Variants in RMND1 observed in about 807,000 individuals in gnomAD.
RMND1 encodes the protein required for meiotic nuclear division protein 1 homolog.
RMND1 carries 41 observed loss-of-function variants against 54.0 expected under a neutral mutation model. That is an observed-to-expected ratio of 0.76 (90% CI 0.59 to 0.98). RMND1 has a LOEUF of 0.98. Ranked by LOEUF, RMND1 falls within the 50% of genes least tolerant of loss-of-function variation. The pLI, the probability that RMND1 is intolerant of heterozygous loss-of-function variation, is 0.00. For synonymous variants in RMND1, 183 were observed against 181.7 expected, an observed-to-expected ratio of 1.01 and a Z score of -0.06; for missense variants, 457 against 532.0, an observed-to-expected ratio of 0.86 and a Z score of 1.39.
chr6:151,445,440 CTT>C lies in RMND1; in HGVS notation c.370_371del (p.Lys124GlufsTer57). 1 of 1,614,184 alleles carries C rather than the reference CTT, an allele frequency of 6.2e-7. No homozygotes were observed. Among genetic ancestry groups the C allele is most frequent in the African/African-American group, 1.3e-5 (1 of 75,052 alleles). ...LGSKWFIKILKRHFSSVSTET... is the reference protein window; with the variant it reads ...LGSKWFIKILXRHFSSVSTET... ...CCGTTGATACAGATGAGAAATGCCTCTTTAATATTTTTATAAACCATTTAGAA... is the reference window on the plus strand; with the variant it reads ...CCGTTGATACAGATGAGAAATGCCTCTAATATTTTTATAAACCATTTAGAA... On this transcript the variant is annotated frameshift_variant, in exon 2 of 12. Coordinates refer to ENST00000444024, the MANE Select transcript of RMND1 (RefSeq NM_017909.4). LOFTEE classifies it high-confidence loss of function.
intron 1 of RMND1, among the ~76,000 whole-genome samples, chr6:151,449,221 T>C (rs546641073): frequency 2.6e-5 from 4 of 151,602 alleles, no homozygotes; most frequent in Admixed American, 6.6e-5. Context: ...ACAAAAAAAT[T>C]AGCTGAGCGT....
chr6:151,448,415 CATTCT>C (rs1201830296), intron 1 of RMND1, among the ~76,000 whole-genome samples: 1 of 152,152 alleles, frequency 6.6e-6, no homozygotes, highest in Non-Finnish European at 1.5e-5. Context: ...CATGGTCTAC[CATTCT>C]AACCTCTCCC....
intron 1 of RMND1, among the ~76,000 whole-genome samples, chr6:151,448,096 G>A (rs911666761): frequency 4.6e-5 from 7 of 152,072 alleles, no homozygotes; most frequent in East Asian, 3.9e-4. Context: ...GATTACAGGC[G>A]TGAGCCACCG....
intron 9 of RMND1, among the ~76,000 whole-genome samples, chr6:151,419,649 G>A (rs1780101241): frequency 6.9e-6 from 1 of 145,714 alleles, no homozygotes; most frequent in South Asian, 2.2e-4. Flanking sequence ...ACTCTAGTCT[G>A]GGTGACAAGC....
rs1779598345 is a variant in RMND1 at position 151,405,806 on chromosome 6, C to T, written c.1231G>A (p.Glu411Lys). 3 of 1,610,948 alleles carry T rather than the reference C, an allele frequency of 1.9e-6. No homozygotes were observed. The highest frequency in any genetic ancestry group is 2.5e-6 in the Non-Finnish European group (3 of 1,177,378). Reference protein sequence around the residue: ...VMNEKLQHCMELTDLMRNHLN... With the variant: ...VMNEKLQHCMKLTDLMRNHLN... ...TGATTCCGCATTAGATCTGTTAGTT[C>T]CATGCAGTGCTGAAGTTTTTCATTC... Residue 411 changes from glutamate (E) to lysine (K), a missense_variant, in exon 11 of 12, where the codon GAA (glutamate) becomes AAA (lysine). Glu to Lys is a moderately conservative substitution (Grantham distance 56, BLOSUM62 1). Transcript: ENST00000444024.
chr6:151,408,273 T>C (rs1779697335), intron 10 of RMND1, among the ~76,000 whole-genome samples: 1 of 152,098 alleles, frequency 6.6e-6, no homozygotes. Flanking sequence ...GGCAGGCGGA[T>C]CACTTGAGGT....
intron 10 of RMND1, among the ~76,000 whole-genome samples, chr6:151,412,487 A>C (rs1344564303): frequency 2.6e-5 from 4 of 152,186 alleles, no homozygotes; most frequent in Non-Finnish European, 4.4e-5. Context: ...AGAGCACAGC[A>C]AAAATCACTT....
Position 151,445,508 on chromosome 6 carries a change from CA to C in RMND1, c.303del (p.Phe101LeufsTer7). On this transcript the variant is annotated frameshift_variant, in exon 2 of 12. Coordinates refer to ENST00000444024, the MANE Select transcript of RMND1 (RefSeq NM_017909.4). LOFTEE classifies it high-confidence loss of function. ...TTGTGGGTCACTCTCCTGTGAGTACCAAAGGATTTCATGGTTGGAAGGTGTG... is the reference window on the plus strand; with the variant it reads ...TTGTGGGTCACTCTCCTGTGAGTACCAAGGATTTCATGGTTGGAAGGTGTG... ...EKAHLPTMKS[F>X]GTHRRVTHKP... The C allele has an allele frequency of 6.2e-7, 1 of 1,614,168 alleles. No homozygotes were observed. Among genetic ancestry groups the C allele is most frequent in the Non-Finnish European group, 8.5e-7 (1 of 1,180,038 alleles).
At position 151,417,299 on chromosome 6, in the gene RMND1, T is replaced by C. The variant is rs1218359734; in HGVS notation, c.1180A>G (p.Ser394Gly). The C allele has an allele frequency of 6.2e-7, 1 of 1,612,352 alleles. No individual in the cohort carries two copies. Among genetic ancestry groups the C allele is most frequent in the Non-Finnish European group, 8.5e-7 (1 of 1,179,606 alleles). Residue 394 changes from serine to glycine, a missense_variant, in exon 10 of 12, where the codon AGC becomes GGC. Ser to Gly is a moderately conservative substitution (Grantham distance 56). Coordinates refer to ENST00000444024, the MANE Select transcript of RMND1 (RefSeq NM_017909.4). ...CGTACCTTAACTCTTCGGCCAATGCTAAGGAATTGACACGTTTTATCGTAA... is the reference window on the plus strand; with the variant it reads ...CGTACCTTAACTCTTCGGCCAATGCCAAGGAATTGACACGTTTTATCGTAA... ...GLYDKTCQFL[S>G]IGRRVKVMNE...
At position 151,408,321 on chromosome 6, in the gene RMND1, G is replaced by A. The variant is rs113699960; in HGVS notation, c.1201-2485C>T. Among the ~76,000 whole-genome samples, 932 of 152,086 alleles carry A rather than the reference G, an allele frequency of 6.1e-3. 9 individuals are homozygous for A. Among genetic ancestry groups the A allele is most frequent in the African/African-American group, 0.022 (893 of 41,474 alleles). ...AGCATGGCCAACATAGCGAAACCCC[G>A]TCTCTACTAAAAATAGAAAAATTAG... On this transcript the variant is annotated intron_variant, in intron 10 of 11. Transcript: ENST00000444024.
At position 151,447,239 on chromosome 6, in the gene RMND1, A is replaced by G. The variant is rs971720929; in HGVS notation, c.-14-1414T>C. On this transcript the variant is annotated intron_variant, in intron 1 of 11. Coordinates refer to ENST00000444024, the MANE Select transcript of RMND1 (RefSeq NM_017909.4). ...GCCGATGGCCAGATCACCAAAGGAT[A>G]TATAAAGTCATCCTAAAAAGTTTCT... 2.0e-5 allele frequency among the ~76,000 whole-genome samples: 3 copies of G among 152,170 alleles called. No homozygotes were observed. In the South Asian group the frequency reaches 6.2e-4, roughly 31 times the overall value.
intron 4 of RMND1, 22 bp from the exon 5 acceptor site, chr6:151,430,199 A>G: frequency 6.5e-7 from 1 of 1,547,064 alleles, no homozygotes; most frequent in Non-Finnish European, 8.9e-7. Context: ...AAATAAAAGA[A>G]ACAACTAAGA....
chr6:151,432,473 A>G (rs1167095157), intron 4 of RMND1, among the ~76,000 whole-genome samples: 1 of 152,184 alleles, frequency 6.6e-6, no homozygotes, highest in Non-Finnish European at 1.5e-5. Context: ...TTGGATTCCT[A>G]CAGATGGTCC....
At chr6:151,428,994 A>G (rs564744922) in intron 5 of RMND1, among the ~76,000 whole-genome samples, 2 of 152,236 alleles carry the variant, frequency 1.3e-5, no homozygotes, top group South Asian at 4.1e-4. Flanking sequence ...TTGGTCATTT[A>G]TATTTTCTTT....
At position 151,433,815 on chromosome 6, in the gene RMND1, TAA is replaced by T. The variant is rs890697058; in HGVS notation, c.614-587_614-586del. On this transcript the variant is annotated intron_variant, in intron 3 of 11. Coordinates refer to ENST00000444024, the MANE Select transcript of RMND1 (RefSeq NM_017909.4). ...ACCACTGCAGCCACCTGCAACTATTTAAAAAAAAAGTTTTTTTTTTGTTTGTT... is the reference window on the plus strand; with the variant it reads ...ACCACTGCAGCCACCTGCAACTATTTAAAAAAAGTTTTTTTTTTGTTTGTT... Among the ~76,000 whole-genome samples the T allele has an allele frequency of 7.3e-5, 11 of 150,228 alleles. No individual in the cohort carries two copies. The Admixed American group carries it at 7.3e-4, about 10-fold the overall frequency.
chr6:151,411,598 C>T (rs1779835425), intron 10 of RMND1: 1 of 152,162 alleles, frequency 6.6e-6, no homozygotes. Context: ...TCAAGGTACT[C>T]TTCACTCAGG....
intron 9 of RMND1, 31 bp from the exon 10 acceptor site, chr6:151,417,430 T>C (rs377388212): frequency 6.8e-7 from 1 of 1,481,374 alleles, no homozygotes; most frequent in Non-Finnish European, 9.2e-7. Context: ...ACTTTTTATT[T>C]ATCTTGAATT....
At chr6:151,413,334 C>T (rs984293660) in intron 10 of RMND1, among the ~76,000 whole-genome samples, 2 of 152,216 alleles carry the variant, frequency 1.3e-5, no homozygotes, top group South Asian at 2.1e-4. Flanking sequence ...TCAGTCCAAC[C>T]TCTGCCTCCT....
chr6:151,436,174 G>T, intron 3 of RMND1: 1 of 295,144 alleles, frequency 3.4e-6, no homozygotes, highest in Non-Finnish European at 6.5e-6. Context: ...TTCTTAATGT[G>T]CTAGAAATGA....
Sources: allele counts gnomAD v4.1 joint callset (sites outside exome capture counted in the v4.1 genomes callset), GRCh38; gene constraint gnomAD v4.1.1; transcripts MANE v1.5; gene names NCBI Gene and HGNC (gene_info 2026-07-23, HGNC 2026-07-21).